Variants in MAPK10 observed in about 807,000 individuals in gnomAD.
The protein encoded by MAPK10 is JNK3 alpha protein kinase.
A neutral mutation model predicts 59.3 loss-of-function variants in MAPK10; 25 were observed. The observed-to-expected ratio is 0.42, with a 90% CI of 0.31 to 0.59. MAPK10 has a LOEUF of 0.59. Among genes scored for constraint, MAPK10 ranks in the 20% least tolerant of loss-of-function variants. The probability of loss-of-function intolerance (pLI) is 0.15; values close to 1 mark genes in which losing one functional copy is unlikely to be tolerated. For missense variants in MAPK10, 351 were observed against 568.9 expected (o/e 0.62, Z 3.90); for synonymous variants, 190 against 200.5 (o/e 0.95, Z 0.44).
chr4:86,017,488 G>A lies in MAPK10; in HGVS notation c.1253-118C>T. 8.7e-7 allele frequency: 1 copy of A among 1,148,166 alleles called. No homozygotes were observed. Among genetic ancestry groups the A allele is most frequent in the South Asian group, 1.5e-5 (1 of 67,738 alleles). The allele number at this position is 1,148,166 out of a possible 1,614,324, so 71.1% of individuals were successfully genotyped here. A position where few individuals can be genotyped will look rare whatever the true frequency, so the allele number is the denominator to read the frequency against. ...GGGATGTCCAGTCCATCAATCATTT[G>A]GCAAGCCTTTATAGAGCAGCTGACA... On this transcript the variant is annotated intron_variant, in intron 13 of 13. Transcript: ENST00000641462. This position sits in a 1 kb window ranked among gnomAD's most constrained non-coding sequence, Gnocchi z 4.4.
chr4:86,039,901 C>G (rs2041157306), intron 11 of MAPK10, among the ~76,000 whole-genome samples: 1 of 152,144 alleles, frequency 6.6e-6, no homozygotes, highest in Non-Finnish European at 1.5e-5. Flanking sequence ...CACCTGCTGA[C>G]CCAGGCACCC....
intron 2 of MAPK10, among the ~76,000 whole-genome samples, chr4:86,344,281 C>T (rs1726818866): frequency 6.6e-6 from 1 of 152,150 alleles, no homozygotes; most frequent in Admixed American, 6.6e-5. Flanking sequence ...CACATGTCAC[C>T]ACACTCTGCT....
intron 9 of MAPK10, among the ~76,000 whole-genome samples, chr4:86,091,677 A>AT (rs999214337): frequency 2.0e-4 from 29 of 143,246 alleles, no homozygotes; most frequent in South Asian, 4.4e-4. Context: ...ACAGTTGTTA[A>AT]TTTTTTTTTT....
intron 2 of MAPK10, among the ~76,000 whole-genome samples, chr4:86,232,211 T>C (rs1287068887): frequency 6.6e-6 from 1 of 152,208 alleles, no homozygotes; most frequent in African/African-American, 2.4e-5. Context: ...TTGACCCATA[T>C]AGTTTGCTGA....
intron 4 of MAPK10, among the ~76,000 whole-genome samples, chr4:86,135,893 A>G (rs1438846095): frequency 2.6e-5 from 4 of 152,240 alleles, no homozygotes; most frequent in African/African-American, 4.8e-5. Flanking sequence ...AGAATGCAGA[A>G]GCCTCAGGAG....
At chr4:86,548,164 A>G (rs1467952375) in intron 1 of MAPK10, among the ~76,000 whole-genome samples, 1 of 151,880 alleles carries the variant, frequency 6.6e-6, no homozygotes, top group East Asian at 1.9e-4. Flanking sequence ...CTGCAGCTTC[A>G]CTCCTGAAGC....
intron 2 of MAPK10, among the ~76,000 whole-genome samples, chr4:86,235,036 ATC>A (rs2092061692): frequency 6.6e-6 from 1 of 152,090 alleles, no homozygotes; most frequent in African/African-American, 2.4e-5. Context: ...TATTAGATAA[ATC>A]ATATTATTTG....
chr4:86,585,564 G>C (rs1347010387), intron 1 of MAPK10, among the ~76,000 whole-genome samples: 1 of 152,216 alleles, frequency 6.6e-6, no homozygotes, highest in Non-Finnish European at 1.5e-5. Context: ...TAGGTTTTTA[G>C]TGAAAATATA....
At chr4:86,204,269 T>C (rs999116583) in intron 2 of MAPK10, among the ~76,000 whole-genome samples, 2 of 151,962 alleles carry the variant, frequency 1.3e-5, no homozygotes, top group African/African-American at 4.8e-5. Context: ...AGTATATAAA[T>C]GCACAAAATA....
At chr4:86,404,684 T>C (rs1744141894) in intron 1 of MAPK10, among the ~76,000 whole-genome samples, 1 of 152,208 alleles carries the variant, frequency 6.6e-6, no homozygotes, top group African/African-American at 2.4e-5. Flanking sequence ...GAAGATTGTC[T>C]GTAAGCAGAG....
chr4:86,169,331 A>T (rs1057231373), intron 3 of MAPK10, among the ~76,000 whole-genome samples: 1 of 152,180 alleles, frequency 6.6e-6, no homozygotes, highest in Non-Finnish European at 1.5e-5. Context: ...ATTTAGACGA[A>T]TGTATAACTA....
At chr4:86,215,315 A>C (rs1243459818) in intron 2 of MAPK10, among the ~76,000 whole-genome samples, 1 of 152,234 alleles carries the variant, frequency 6.6e-6, no homozygotes, top group African/African-American at 2.4e-5. Flanking sequence ...CTGTTATAAG[A>C]CAACATAGAA....
chr4:86,383,764 G>T (rs1400795026), intron 1 of MAPK10, among the ~76,000 whole-genome samples: 1 of 151,980 alleles, frequency 6.6e-6, no homozygotes, highest in East Asian at 1.9e-4. Context: ...AAGGTAGAAA[G>T]TTTACTTTCT....
intron 1 of MAPK10, among the ~76,000 whole-genome samples, chr4:86,577,345 T>C (rs1005641266): frequency 2.0e-5 from 3 of 151,876 alleles, no homozygotes. Flanking sequence ...GAAAGATGTA[T>C]GCCATTAAAT....
intron 1 of MAPK10, among the ~76,000 whole-genome samples, chr4:86,534,343 G>T (rs1036413508): frequency 6.6e-6 from 1 of 151,860 alleles, no homozygotes; most frequent in African/African-American, 2.4e-5. Context: ...GCTTGCCTAA[G>T]TTCCCAACAT....
intron 2 of MAPK10, among the ~76,000 whole-genome samples, chr4:86,294,241 C>G (rs2095301755): frequency 6.6e-6 from 1 of 152,148 alleles, no homozygotes; most frequent in South Asian, 2.1e-4. Flanking sequence ...TCTCTCACTT[C>G]CCTACTCTTC....
intron 1 of MAPK10, among the ~76,000 whole-genome samples, chr4:86,440,627 CAAAA>C (rs59183601): frequency 3.7e-5 from 4 of 108,604 alleles, no homozygotes; most frequent in Non-Finnish European, 7.7e-5. Flanking sequence ...GATCCTGTCT[CAAAA>C]AAAAAAAAAA....
chr4:86,193,727 G>C (rs912767616), intron 3 of MAPK10: 3 of 156,736 alleles, frequency 1.9e-5, no homozygotes, highest in Non-Finnish European at 4.2e-5. Context: ...AGACCACTTG[G>C]CTCCCTGGCT....
Position 86,013,573 on chromosome 4 carries a change from C to T in MAPK10, c.*3655G>A, listed in dbSNP as rs1449385022. 6.6e-6 allele frequency: 1 copy of T among 152,104 alleles called. No homozygotes were observed. The highest frequency in any genetic ancestry group is 1.5e-5 in the Non-Finnish European group (1 of 68,006). 9.4% of individuals were successfully genotyped at this position (152,104 alleles called of 1,614,324 possible). Reference sequence around the variant, plus strand: ...ATTTAGGTTTTGCAATGAATATTTACAATTTTAAAACAAATCAAGTTTGCT... The same window carrying T: ...ATTTAGGTTTTGCAATGAATATTTATAATTTTAAAACAAATCAAGTTTGCT... On this transcript the variant is annotated 3_prime_UTR_variant, in exon 14 of 14. Transcript: ENST00000641462.
Sources: gnomAD v4.1 joint callset for allele counts (sites outside exome capture counted in the v4.1 genomes callset) on GRCh38, gnomAD v4.1.1 for gene constraint, Gnocchi (gnomAD v3.1) non-coding constraint, MANE v1.5 for transcripts, NCBI Gene and HGNC (gene_info 2026-07-23, HGNC 2026-07-21) for gene names.